Variants in WWOX observed in about 807,000 individuals in gnomAD.
The protein encoded by WWOX is WW domain-containing oxidoreductase.
Under a neutral mutation model 46.2 loss-of-function variants are expected in WWOX, and 69 were observed. That is an observed-to-expected ratio of 1.49 (90% CI 1.23 to 1.82). The LOEUF is 1.82. Among genes scored for constraint, WWOX ranks in the 40% most tolerant of loss-of-function variants. WWOX has a pLI of 0.00. For missense variants in WWOX, 919 were observed against 542.6 expected (o/e 1.69, Z -6.89); for synonymous variants, 359 against 202.6 (o/e 1.77, Z -6.56).
At chr16:78,714,794 T>C (rs2142334168) in intron 8 of WWOX, among the ~76,000 whole-genome samples, 1 of 152,302 alleles carries the variant, frequency 6.6e-6, no homozygotes, top group Non-Finnish European at 1.5e-5. Context: ...CACAGAGCCT[T>C]GTAAACCAAG....
At chr16:78,732,103 A>T (rs542347075) in intron 8 of WWOX, among the ~76,000 whole-genome samples, 1 of 152,128 alleles carries the variant, frequency 6.6e-6, no homozygotes, top group East Asian at 1.9e-4. Flanking sequence ...CCCTCAAATG[A>T]TCCTCCTGCC....
rs114064869 is a variant in WWOX at position 78,784,951 on chromosome 16, C to A, written c.1056+352199C>A. On this transcript the variant is annotated intron_variant, in intron 8 of 8. Transcript: ENST00000566780. ...ACGAGGAAGCGAGGTGTCCCTTTTG[C>A]AGTTGTTCAGAAGGTCCCGTGGGCA... Among the ~76,000 whole-genome samples the A allele has an allele frequency of 2.1e-3, 315 of 152,262 alleles. 2 individuals carry two copies. Among genetic ancestry groups the A allele is most frequent in the African/African-American group, 7.3e-3 (305 of 41,546 alleles).
intron 5 of WWOX, among the ~76,000 whole-genome samples, chr16:78,280,194 T>C (rs1195397187): frequency 6.6e-6 from 1 of 152,230 alleles, no homozygotes; most frequent in Non-Finnish European, 1.5e-5. Context: ...AAACCAGTTT[T>C]TCTCCCCCAC....
At chr16:79,190,791 T>G (rs537543913) in intron 8 of WWOX, among the ~76,000 whole-genome samples, 1 of 152,226 alleles carries the variant, frequency 6.6e-6, no homozygotes, top group Non-Finnish European at 1.5e-5. Flanking sequence ...TATGGCTGCT[T>G]TTGCACTACA....
At chr16:78,635,064 T>G (rs1057012906) in intron 8 of WWOX, among the ~76,000 whole-genome samples, 2 of 152,132 alleles carry the variant, frequency 1.3e-5, no homozygotes, top group African/African-American at 4.8e-5. Flanking sequence ...TATTTCCCCC[T>G]CTTACAGATA....
At chr16:78,538,756 G>T (rs1279557319) in intron 8 of WWOX, among the ~76,000 whole-genome samples, 3 of 152,182 alleles carry the variant, frequency 2.0e-5, no homozygotes, top group Non-Finnish European at 4.4e-5. Context: ...TTAAAACCCT[G>T]ATTTAGGAGC....
chr16:78,393,361 C>T (rs2082216022), intron 6 of WWOX, among the ~76,000 whole-genome samples: 1 of 152,060 alleles, frequency 6.6e-6, no homozygotes, highest in Admixed American at 6.6e-5. Flanking sequence ...TTTTCTTCTT[C>T]AAAAAATGGT....
chr16:79,050,821 G>C (rs545806902), intron 8 of WWOX, among the ~76,000 whole-genome samples: 9 of 152,210 alleles, frequency 5.9e-5, no homozygotes, highest in Non-Finnish European at 1.3e-4. Context: ...GCCGCCTTTA[G>C]GAAACGAGAT....
intron 5 of WWOX, among the ~76,000 whole-genome samples, chr16:78,177,243 A>T (rs1029785437): frequency 1.3e-5 from 2 of 152,218 alleles, no homozygotes; most frequent in African/African-American, 4.8e-5. Flanking sequence ...CCAAATTTTC[A>T]AGCTATTTTA....
rs115901330 is a variant in WWOX at position 78,917,077 on chromosome 16, A to G, written c.1057-294531A>G. Among the ~76,000 whole-genome samples the G allele has an allele frequency of 1.6e-3, 245 of 152,280 alleles. 1 individual carries two copies. Among genetic ancestry groups the G allele is most frequent in the African/African-American group, 5.1e-3 (211 of 41,566 alleles). On this transcript the variant is annotated intron_variant, in intron 8 of 8. Transcript: ENST00000566780. The stretch of plus-strand genomic sequence containing the variant: ...TCTAAACCACATCTTTCCAGATTCA[A>G]TATAGTAGGAGAAGACCAGACTTGC...
chr16:78,380,935 G>T (rs1347997994), intron 5 of WWOX, among the ~76,000 whole-genome samples: 1 of 152,152 alleles, frequency 6.6e-6, no homozygotes, highest in Non-Finnish European at 1.5e-5. Context: ...CCATTGTGTG[G>T]CTTGTACCTT....
chr16:78,463,527 T>G (rs1476204434), intron 8 of WWOX, among the ~76,000 whole-genome samples: 2 of 152,192 alleles, frequency 1.3e-5, no homozygotes, highest in Non-Finnish European at 2.9e-5. Context: ...AACTGGTCAT[T>G]TGTATTGTTT....
At chr16:79,204,666 A>C (rs71398138) in intron 8 of WWOX, 18,766 of 152,236 alleles carry the variant, frequency 0.12, 1,213 homozygotes, top group Middle Eastern at 0.2. Flanking sequence ...AGAGCGTACC[A>C]AGGTCACCCT....
At chr16:79,062,628 T>TA (rs563900610) in intron 8 of WWOX, among the ~76,000 whole-genome samples, 2,069 of 148,572 alleles carry the variant, frequency 0.014, 42 homozygotes, top group African/African-American at 0.047. Flanking sequence ...TGTTTACATT[T>TA]AAAAAAAAAA....
intron 6 of WWOX, among the ~76,000 whole-genome samples, chr16:78,404,980 C>CT (rs1377246803): frequency 3.3e-5 from 5 of 152,170 alleles, no homozygotes; most frequent in African/African-American, 1.2e-4. Flanking sequence ...ATGCATTTTC[C>CT]CTAGAAAACC....
At chr16:78,485,696 G>C (rs2084617520) in intron 8 of WWOX, among the ~76,000 whole-genome samples, 1 of 152,190 alleles carries the variant, frequency 6.6e-6, no homozygotes, top group South Asian at 2.1e-4. Context: ...CTGATTTGGG[G>C]CAGCACCTTT....
At chr16:78,682,790 C>T (rs529268891) in intron 8 of WWOX, among the ~76,000 whole-genome samples, 4 of 152,316 alleles carry the variant, frequency 2.6e-5, no homozygotes, top group Non-Finnish European at 4.4e-5. Context: ...GTACTTCTTG[C>T]ACCATTCATT....
chr16:79,054,995 T>C (rs762845411), intron 8 of WWOX, among the ~76,000 whole-genome samples: 39 of 152,222 alleles, frequency 2.6e-4, no homozygotes, highest in Non-Finnish European at 5.6e-4. Flanking sequence ...CACTGACTAA[T>C]CAGGCTGATA....
intron 8 of WWOX, among the ~76,000 whole-genome samples, chr16:78,445,031 C>G (rs766803195): frequency 9.2e-5 from 14 of 151,622 alleles, no homozygotes; most frequent in African/African-American, 2.9e-4. Context: ...TGCACTAAAA[C>G]TTGTTGCTGC....
Sources: allele counts gnomAD v4.1 joint callset (sites outside exome capture counted in the v4.1 genomes callset), GRCh38; gene constraint gnomAD v4.1.1; transcripts MANE v1.5; gene names NCBI Gene and HGNC (gene_info 2026-07-23, HGNC 2026-07-21).